The following CTNNBL1 variants were observed in gnomAD, a reference collection of about 807,000 sequenced individuals.
CTNNBL1 encodes the protein catenin beta like 1, also known as beta-catenin-like protein 1.
In CTNNBL1, 31 loss-of-function variants were observed where a neutral mutation model predicts 72.7. The observed-to-expected ratio is 0.43, with a 90% CI of 0.32 to 0.58. CTNNBL1 has a LOEUF of 0.58. Among genes scored for constraint, CTNNBL1 ranks in the 20% least tolerant of loss-of-function variants. The pLI, the probability that CTNNBL1 is intolerant of heterozygous loss-of-function variation, is 0.08. For missense variants in CTNNBL1, 534 were observed against 725.1 expected (o/e 0.74, Z 3.03); for synonymous variants, 240 against 267.3 (o/e 0.90, Z 1.00).
At chr20:37,768,168 C>T in intron 7 of CTNNBL1, 124 bp downstream of exon 7, 1 of 693,596 alleles carries the variant, frequency 1.4e-6, no homozygotes, top group South Asian at 2.1e-5. Flanking sequence ...CTTCTGGTAC[C>T]TCTTGCTTCT....
chr20:37,787,569 C>G (rs1043089221), intron 10 of CTNNBL1, among the ~76,000 whole-genome samples: 1 of 152,192 alleles, frequency 6.6e-6, no homozygotes, highest in Non-Finnish European at 1.5e-5. Context: ...TGGTCTCGAT[C>G]TCCTGACCTC....
chr20:37,867,482 T>C (rs2072545751), intron 15 of CTNNBL1, among the ~76,000 whole-genome samples: 1 of 152,134 alleles, frequency 6.6e-6, no homozygotes, highest in Admixed American at 6.5e-5. Context: ...CTGTCTAAAG[T>C]TTGCTTTAAT....
At chr20:37,771,694 C>T (rs1005902229) in intron 7 of CTNNBL1, among the ~76,000 whole-genome samples, 1 of 151,964 alleles carries the variant, frequency 6.6e-6, no homozygotes, top group South Asian at 2.1e-4. Flanking sequence ...ATTCGTATTT[C>T]TAAATTTTAC....
intron 13 of CTNNBL1, among the ~76,000 whole-genome samples, chr20:37,844,213 A>G (rs1463345428): frequency 1.3e-5 from 2 of 152,166 alleles, no homozygotes; most frequent in African/African-American, 4.8e-5. Context: ...GTTATCTGCT[A>G]GGGAGGTTTT....
At chr20:37,786,165 C>G (rs1281064838) in intron 10 of CTNNBL1, among the ~76,000 whole-genome samples, 1 of 152,186 alleles carries the variant, frequency 6.6e-6, no homozygotes, top group Non-Finnish European at 1.5e-5. Flanking sequence ...GTGAGACAAG[C>G]AAGCACCACT....
chr20:37,763,754 G>A (rs1288543213), intron 5 of CTNNBL1, among the ~76,000 whole-genome samples: 1 of 152,174 alleles, frequency 6.6e-6, no homozygotes, highest in African/African-American at 2.4e-5. Flanking sequence ...AAGTAGAGTT[G>A]GAGTTGGGCA....
At chr20:37,755,636 A>C (rs796094206) in intron 4 of CTNNBL1, among the ~76,000 whole-genome samples, 11 of 152,360 alleles carry the variant, frequency 7.2e-5, no homozygotes, top group African/African-American at 2.4e-4. Flanking sequence ...TTCTTTCAGC[A>C]AAAGACCTGC....
At chr20:37,848,194 G>C (rs1415281931) in intron 13 of CTNNBL1, among the ~76,000 whole-genome samples, 1 of 147,698 alleles carries the variant, frequency 6.8e-6, no homozygotes, top group East Asian at 2.0e-4. Flanking sequence ...CTGTCACCCA[G>C]GCTAGAGTGC....
chr20:37,711,198 C>A (rs1420750091), intron 1 of CTNNBL1, among the ~76,000 whole-genome samples: 13 of 152,200 alleles, frequency 8.5e-5, no homozygotes, highest in African/African-American at 2.9e-4. Flanking sequence ...TCCAGTTCTG[C>A]AACTCTGACA....
chr20:37,845,905 A>G (rs1001451386), intron 13 of CTNNBL1, among the ~76,000 whole-genome samples: 21 of 152,282 alleles, frequency 1.4e-4, no homozygotes, highest in African/African-American at 5.1e-4. Context: ...AAGTATTGGT[A>G]TTTTTATTGT....
intron 5 of CTNNBL1, among the ~76,000 whole-genome samples, chr20:37,760,052 T>A (rs1259635762): frequency 6.6e-6 from 1 of 152,226 alleles, no homozygotes; most frequent in Non-Finnish European, 1.5e-5. Context: ...AACACTGTCC[T>A]GGCATTCTCA....
At chr20:37,787,337 CTG>C (rs1414478570) in intron 10 of CTNNBL1, among the ~76,000 whole-genome samples, 32 of 132,214 alleles carry the variant, frequency 2.4e-4, no homozygotes, top group African/African-American at 8.7e-4. Flanking sequence ...AGACACATAA[CTG>C]TGTGTTTTTT....
intron 11 of CTNNBL1, among the ~76,000 whole-genome samples, chr20:37,824,430 G>A (rs1192803859): frequency 6.6e-6 from 1 of 152,148 alleles, no homozygotes; most frequent in Non-Finnish European, 1.5e-5. Context: ...GAGTGTGATC[G>A]TGCACTCAGC....
chr20:37,831,255 T>A (rs1224525954), intron 11 of CTNNBL1, among the ~76,000 whole-genome samples: 1 of 152,224 alleles, frequency 6.6e-6, no homozygotes, highest in East Asian at 1.9e-4. Context: ...CCCTCCTCTT[T>A]CCTACCCCAG....
At chr20:37,782,922 T>G (rs1021472960) in intron 10 of CTNNBL1, among the ~76,000 whole-genome samples, 1 of 152,170 alleles carries the variant, frequency 6.6e-6, no homozygotes, top group African/African-American at 2.4e-5. Flanking sequence ...TTAAATTTAT[T>G]TAAATTATAT....
chr20:37,725,729 A>G (rs996393792), intron 1 of CTNNBL1, among the ~76,000 whole-genome samples: 43 of 150,580 alleles, frequency 2.9e-4, no homozygotes, highest in Admixed American at 2.3e-3. Flanking sequence ...CATGCCTGTA[A>G]TTTCAGCACT....
chr20:37,799,421 C>G (rs2122729843), intron 10 of CTNNBL1, among the ~76,000 whole-genome samples: 1 of 152,278 alleles, frequency 6.6e-6, no homozygotes, highest in South Asian at 2.1e-4. Context: ...GGCTGGCACG[C>G]TCCTACAGGC....
chr20:37,854,371 T>G (rs6126298), intron 13 of CTNNBL1, among the ~76,000 whole-genome samples: 52,823 of 151,582 alleles, frequency 0.35, 9,621 homozygotes, highest in Middle Eastern at 0.43. Context: ...ACTCTAATAT[T>G]TAATGTCTTC....
At chr20:37,778,664 G>A (rs1330593212) in intron 9 of CTNNBL1, among the ~76,000 whole-genome samples, 1 of 152,200 alleles carries the variant, frequency 6.6e-6, no homozygotes, top group African/African-American at 2.4e-5. Flanking sequence ...AGCCTTGGTT[G>A]TCAGGAAATG....
Sources: allele counts gnomAD v4.1 joint callset (sites outside exome capture counted in the v4.1 genomes callset), GRCh38; gene constraint gnomAD v4.1.1; transcripts MANE v1.5; gene names NCBI Gene and HGNC (gene_info 2026-07-23, HGNC 2026-07-21).